CHTF18: variants seen among roughly 807,000 people sequenced by gnomAD.
CHTF18 encodes the protein chromosome transmission fidelity factor 18, also known as chromosome transmission fidelity protein 18 homolog.
Under a neutral mutation model 113.4 loss-of-function variants are expected in CHTF18, and 151 were observed. The observed-to-expected ratio is 1.33, with a 90% CI of 1.17 to 1.52. The LOEUF (loss-of-function observed/expected upper bound fraction) is 1.52. CHTF18 is among the 40% of genes most tolerant of loss of function. The pLI is 0.00. For missense variants in CHTF18, 1,982 were observed against 1,381.6 expected, an observed-to-expected ratio of 1.43 and a Z score of -6.89; for synonymous variants, 916 against 598.8, an observed-to-expected ratio of 1.53 and a Z score of -7.74.
At chr16:794,682 G>A (rs1319566206) in intron 15 of CHTF18, 2 of 227,662 alleles carry the variant, frequency 8.8e-6, no homozygotes, top group Non-Finnish European at 1.7e-5. Flanking sequence ...AATCCCAAAA[G>A]CCGCGATGTG....
chr16:796,912 C>T lies in CHTF18; in HGVS notation c.2602-49C>T, dbSNP rs113640052. ...GGTTGCAGTCTGGGCGTGCACCATCCCCACTGTATCCCTGTGTGGCCAGAT... is the reference window on the plus strand; with the variant it reads ...GGTTGCAGTCTGGGCGTGCACCATCTCCACTGTATCCCTGTGTGGCCAGAT... On this transcript the variant is annotated intron_variant, in intron 19 of 21. Transcript: ENST00000262315. The T allele has an allele frequency of 9.7e-6, 15 of 1,543,560 alleles. No individual in the cohort carries two copies. The African/African-American group carries it at 1.2e-4, about 13-fold the overall frequency.
At chr16:792,127 G>A (rs781537374) in intron 9 of CHTF18, 97 bp from the exon 10 acceptor site, 30 of 1,526,480 alleles carry the variant, frequency 2.0e-5, no homozygotes, top group Non-Finnish European at 2.5e-5. Flanking sequence ...GCCGCGTCAT[G>A]TGACGGTCTC....
Position 788,945 on chromosome 16 carries a change from T to TC in CHTF18, c.107dup (p.Pro37AlafsTer67). 1 of 1,558,388 alleles carries TC rather than the reference T, an allele frequency of 6.4e-7. No individual in the cohort carries two copies. The highest frequency in any genetic ancestry group is 8.6e-7 in the Non-Finnish European group (1 of 1,160,726). On this transcript the variant is annotated frameshift_variant, in exon 2 of 22. Coordinates refer to ENST00000262315, the MANE Select transcript of CHTF18 (RefSeq NM_022092.3). LOFTEE classifies it high-confidence loss of function. Reference sequence around the variant, plus strand: ...TCTCCCAGCAGGGGCGTCGACTCCGTCGCCCTCCGGGGTCCCCCTGTTCAC... The same window carrying TC: ...TCTCCCAGCAGGGGCGTCGACTCCGTCCGCCCTCCGGGGTCCCCCTGTTCAC...
chr16:793,011 G>A lies in CHTF18; in HGVS notation c.1618G>A (p.Ala540Thr), dbSNP rs760334422. 4.0e-5 allele frequency: 62 copies of A among 1,565,522 alleles called. 1 individual carries two copies. The East Asian group carries it at 1.3e-3, about 33-fold the overall frequency. The change falls in exon 13 of 22, where the codon GCC (alanine) becomes ACC (threonine). Residue 540 changes from alanine (A) to threonine (T), a missense_variant. By Grantham distance (58) the Ala-to-Thr change is moderately conservative. Coordinates refer to ENST00000262315, the MANE Select transcript of CHTF18 (RefSeq NM_022092.3). The part of the protein sequence containing the change: ...GMRADPGVLA[A>T]LCEKTDNDIR... ...GAGGGCCGACCCAGGGGTGCTGGCCGCCCTCTGTGAGAAAACTGACAATGA... is the reference window on the plus strand; with the variant it reads ...GAGGGCCGACCCAGGGGTGCTGGCCACCCTCTGTGAGAAAACTGACAATGA...
Position 796,774 on chromosome 16 carries a change from C to A in CHTF18, c.2514C>A (p.Tyr838Ter). The change falls in exon 19 of 22, where the codon TAC (tyrosine) becomes TAA (stop). Residue 838 changes from tyrosine to a stop codon, truncating the protein, a stop_gained. Transcript: ENST00000262315. LOFTEE classifies it high-confidence loss of function. Reference sequence around the variant, plus strand: ...TGCCTGCCCGCAAGCCCCTCACCTACCAGACGAAGCAGCTCATCGCCCGCG... The same window carrying A: ...TGCCTGCCCGCAAGCCCCTCACCTAACAGACGAAGCAGCTCATCGCCCGCG... ...PELPARKPLT[Y>*]QTKQLIAREI... 6.2e-7 allele frequency: 1 copy of A among 1,609,644 alleles called. No homozygotes were observed. Among genetic ancestry groups the A allele is most frequent in the East Asian group, 2.2e-5 (1 of 44,880 alleles).
intron 15 of CHTF18, chr16:794,645 C>T (rs899292798): frequency 8.8e-6 from 2 of 228,420 alleles, no homozygotes; most frequent in Admixed American, 5.1e-5. Context: ...TTTGGATTAG[C>T]AGCTGGGGAT....
In CHTF18 at chr16:794,200, A is replaced by G; in HGVS notation, c.1949A>G (p.Gln650Arg). The G allele has an allele frequency of 6.2e-6, 10 of 1,610,074 alleles. No homozygotes were observed. Among genetic ancestry groups the G allele is most frequent in the Non-Finnish European group, 8.5e-6 (10 of 1,177,876 alleles). ...GCGGGCGAGCACGAGAAGGTGGTCC[A>G]GGTACCTGTCTTCCACCAAAATGCC... Reference protein sequence around the residue: ...ASAGEHEKVVQGLFDNFLRLR... With the variant: ...ASAGEHEKVVRGLFDNFLRLR... The change falls in exon 15 of 22, where the codon CAG becomes CGG. Residue 650 changes from glutamine (Q) to arginine (R), a missense_variant and splice_region_variant. By Grantham distance (43) the Gln-to-Arg change is conservative. Coordinates refer to ENST00000262315, the MANE Select transcript of CHTF18 (RefSeq NM_022092.3).
Position 795,308 on chromosome 16 carries a change from T to C in CHTF18, c.2127T>C (p.Phe709=), listed in dbSNP as rs2042306520. 6.5e-7 allele frequency: 1 copy of C among 1,548,308 alleles called. No homozygotes were observed. Among genetic ancestry groups the C allele is most frequent in the Admixed American group, 2.0e-5 (1 of 50,930 alleles). The change falls in exon 16 of 22, where the codon TTT becomes TTC. Residue 709 remains phenylalanine, a synonymous_variant. Coordinates refer to ENST00000262315, the MANE Select transcript of CHTF18 (RefSeq NM_022092.3). ...PFLPVAFHVL[F]ASSHTPRITF... ...TGCCCGTGGCCTTCCATGTGCTGTT[T>C]GCTTCCAGCCACACACCCAGGATCA... is the stretch of plus-strand genomic sequence containing the variant.
rs776246997 is a variant in CHTF18 at position 793,251 on chromosome 16, C to A, written c.1779C>A (p.Val593=). ...RRGLFSVWQE[V]FQLPRAQRRR... ...GGCTCTTCTCGGTGTGGCAGGAGGT[C>A]TTCCAGCTGCCTCGAGCCCAGAGGT... is the stretch of plus-strand genomic sequence containing the variant. Residue 593 remains valine, a synonymous_variant, in exon 14 of 22, where the codon GTC becomes GTA. Transcript: ENST00000262315. The A allele has an allele frequency of 6.2e-7, 1 of 1,607,028 alleles. No individual in the cohort carries two copies. Among genetic ancestry groups the A allele is most frequent in the Non-Finnish European group, 8.5e-7 (1 of 1,178,514 alleles).
intron 3 of CHTF18, 30 bp downstream of exon 3, chr16:789,390 C>A: frequency 6.4e-7 from 1 of 1,555,456 alleles, no homozygotes; most frequent in East Asian, 2.3e-5. Context: ...GCGTCCCATC[C>A]CATCTGTCCA....
At position 792,456 on chromosome 16, in the gene CHTF18, C is replaced by T. The variant is rs772440675; in HGVS notation, c.1344C>T (p.Leu448=). ...CCCCCAAGGCCGCCATCAACGTCCT[C>T]CTGAGCATCCTGAACCGCAAGGGGC... is the stretch of plus-strand genomic sequence containing the variant. ...DGAPVAAINV[L]LSILNRKGPQ... The change falls in exon 11 of 22, where the codon CTC becomes CTT. Residue 448 remains leucine (L), a synonymous_variant. Transcript: ENST00000262315. 26 of 1,570,350 alleles carry T rather than the reference C, an allele frequency of 1.7e-5. No individual in the cohort carries two copies. In the Admixed American group the frequency reaches 3.6e-4, roughly 22 times the overall value.
Position 797,048 on chromosome 16 carries a change from CAGCG to C in CHTF18, c.2690_2693del (p.Gln897ArgfsTer6). On this transcript the variant is annotated frameshift_variant, in exon 20 of 22. Transcript: ENST00000262315. LOFTEE classifies it high-confidence loss of function. ...CCGACCTGCCCCACGCAACCATGAG[CAGCG>C]GCTGGAGCACATCATGAGGCGAGCG... The C allele has an allele frequency of 6.4e-7, 1 of 1,560,104 alleles. No individual in the cohort carries two copies. Among genetic ancestry groups the C allele is most frequent in the African/African-American group, 1.4e-5 (1 of 73,244 alleles).
At chr16:788,838 G>A in intron 1 of CHTF18, 63 bp downstream of exon 1, 1 of 1,540,546 alleles carries the variant, frequency 6.5e-7, no homozygotes, top group South Asian at 1.2e-5. Flanking sequence ...GCGACCTCGG[G>A]GAGGGCGTGC....
intron 18 of CHTF18, 78 bp downstream of exon 18, chr16:796,155 C>T (rs1226985267): frequency 9.8e-6 from 15 of 1,524,262 alleles, no homozygotes; most frequent in South Asian, 3.7e-5. Context: ...CCGCATGGGG[C>T]CAGGAGTCTG....
At chr16:797,497 GCTCTT>G (rs1336634534) in intron 20 of CHTF18, among the ~76,000 whole-genome samples, 192 bp from the exon 21 acceptor site, 1 of 152,128 alleles carries the variant, frequency 6.6e-6, no homozygotes, top group Non-Finnish European at 1.5e-5. Flanking sequence ...GGCTGTATTG[GCTCTT>G]CTTGATTGGC....
intron 15 of CHTF18, chr16:794,837 GCCT>G: frequency 4.5e-6 from 2 of 446,242 alleles, no homozygotes; most frequent in East Asian, 8.6e-5. Flanking sequence ...GTTCCTGGAG[GCCT>G]CCTGGTGGGT....
rs1174014634 is a variant in CHTF18 at position 792,995 on chromosome 16, C to A, written c.1602C>A (p.Asp534Glu). 1 of 1,555,378 alleles carries A rather than the reference C, an allele frequency of 6.4e-7. No individual in the cohort carries two copies. The highest frequency in any genetic ancestry group is 1.2e-5 in the South Asian group (1 of 84,650). Residue 534 changes from aspartate (D) to glutamate (E), a missense_variant, in exon 13 of 22, where the codon GAC (aspartate) becomes GAA (glutamate). Asp to Glu is a conservative substitution (Grantham distance 45, BLOSUM62 2). Coordinates refer to ENST00000262315, the MANE Select transcript of CHTF18 (RefSeq NM_022092.3). ...EVSLRQGMRA[D>E]PGVLAALCEK... is the part of the protein sequence containing the mutation. ...CCCTGCGGCAGGGCATGAGGGCCGA[C>A]CCAGGGGTGCTGGCCGCCCTCTGTG...
rs367947145 is a variant in CHTF18 at position 792,417 on chromosome 16, G to A, written c.1327-22G>A. 1.4e-4 allele frequency: 218 copies of A among 1,560,098 alleles called. No homozygotes were observed. In the African/African-American group the frequency reaches 2.3e-3, roughly 17 times the overall value. On this transcript the variant is annotated intron_variant, in intron 10 of 21. Transcript: ENST00000262315. Reference sequence around the variant, plus strand: ...GCGGGCAGCAGGGCCTGGACTCACCGTGTCCTCTGACCTCCCCCAAGGCCG... The same window carrying A: ...GCGGGCAGCAGGGCCTGGACTCACCATGTCCTCTGACCTCCCCCAAGGCCG...
rs973746929 is a variant in CHTF18 at position 795,011 on chromosome 16, C to T, written c.1951-121C>T. The T allele has an allele frequency of 4.4e-5, 35 of 799,994 alleles. 1 individual carries two copies. Among genetic ancestry groups the T allele is most frequent in the Middle Eastern group, 7.4e-4 (2 of 2,706 alleles). The allele number at this position is 799,994 out of a possible 1,614,324, so 49.6% of individuals were successfully genotyped here. Reference sequence around the variant, plus strand: ...CGTGGGGACCCTTGTGGAGGGTCTGCGAAGCCTCGTGGGGCAGGCGGCAGG... The same window carrying T: ...CGTGGGGACCCTTGTGGAGGGTCTGTGAAGCCTCGTGGGGCAGGCGGCAGG... On this transcript the variant is annotated intron_variant, in intron 15 of 21. Coordinates refer to ENST00000262315, the MANE Select transcript of CHTF18 (RefSeq NM_022092.3).
Sources: allele counts gnomAD v4.1 joint callset (sites outside exome capture counted in the v4.1 genomes callset), GRCh38; gene constraint gnomAD v4.1.1; transcripts MANE v1.5; gene names NCBI Gene and HGNC (gene_info 2026-07-23, HGNC 2026-07-21).